Variants in TRPM3 observed in about 807,000 individuals in gnomAD.
TRPM3 encodes long transient receptor potential channel 3.
Under a neutral mutation model 181.2 loss-of-function variants are expected in TRPM3, and 77 were observed. The ratio of observed to expected loss-of-function variants is 0.42; its 90% confidence interval spans 0.35 to 0.51. The LOEUF (loss-of-function observed/expected upper bound fraction) is 0.51, where lower values mean the gene tolerates loss of function less well. Ranked by LOEUF, TRPM3 falls within the 20% of genes least tolerant of loss-of-function variation. The pLI, the probability that TRPM3 is intolerant of heterozygous loss-of-function variation, is 0.01. For missense variants in TRPM3, 1,759 were observed against 2,196.7 expected (o/e 0.80, Z 3.98); for synonymous variants, 745 against 796.4 (o/e 0.94, Z 1.09).
At chr9:71,268,386 T>A (rs908821889) in intron 1 of TRPM3, among the ~76,000 whole-genome samples, 3 of 150,518 alleles carry the variant, frequency 2.0e-5, no homozygotes, top group African/African-American at 7.3e-5. Context: ...TCTCAAAAAA[T>A]AATAATAATA....
chr9:70,866,311 G>A (rs964955288), intron 1 of TRPM3, among the ~76,000 whole-genome samples: 11 of 151,994 alleles, frequency 7.2e-5, no homozygotes, highest in Non-Finnish European at 1.5e-5. Context: ...GCTCTTTTGT[G>A]GGGGAGCATC....
At chr9:70,981,855 G>T (rs1033352497) in intron 1 of TRPM3, among the ~76,000 whole-genome samples, 2 of 152,116 alleles carry the variant, frequency 1.3e-5, no homozygotes, top group African/African-American at 4.8e-5. Context: ...TAGACCCTTA[G>T]GAAATATTAT....
chr9:71,004,106 GGT>G (rs555741828), intron 1 of TRPM3, among the ~76,000 whole-genome samples: 44 of 152,326 alleles, frequency 2.9e-4, no homozygotes, highest in African/African-American at 1.0e-3. Context: ...AAAATGCAGG[GGT>G]GCTGATTGCA....
intron 3 of TRPM3, among the ~76,000 whole-genome samples, chr9:70,862,365 T>C (rs1203794364): frequency 6.6e-6 from 1 of 152,190 alleles, no homozygotes; most frequent in Non-Finnish European, 1.5e-5. Flanking sequence ...TGGAATCTTC[T>C]AATGAGAACA....
intron 1 of TRPM3, among the ~76,000 whole-genome samples, chr9:71,047,820 A>T (rs1399809912): frequency 2.1e-4 from 12 of 57,854 alleles, no homozygotes; most frequent in Admixed American, 1.7e-3. Context: ...TCACACACAC[A>T]CACACACACA....
At chr9:70,921,921 A>ACACACG in intron 1 of TRPM3, among the ~76,000 whole-genome samples, 1 of 130,290 alleles carries the variant, frequency 7.7e-6, no homozygotes, top group Non-Finnish European at 1.6e-5. Flanking sequence ...GCCACTATAC[A>ACACACG]CACACACACA....
At chr9:70,758,739 C>T (rs1042658406) in intron 8 of TRPM3, among the ~76,000 whole-genome samples, 2 of 152,112 alleles carry the variant, frequency 1.3e-5, no homozygotes, top group Non-Finnish European at 2.9e-5. Flanking sequence ...GAAAGGATTC[C>T]CTATTTAATA....
At chr9:71,342,363 T>C (rs139667779) in intron 1 of TRPM3, among the ~76,000 whole-genome samples, 134 of 150,808 alleles carry the variant, frequency 8.9e-4, no homozygotes, top group African/African-American at 3.0e-3. Context: ...TGCAAAAGCA[T>C]TGAAAACTAT....
At chr9:71,426,076 T>C (rs2093857687) in intron 1 of TRPM3, among the ~76,000 whole-genome samples, 1 of 152,192 alleles carries the variant, frequency 6.6e-6, no homozygotes, top group South Asian at 2.1e-4. Context: ...ACTTTTTGTA[T>C]TTCACAATTA....
At chr9:71,420,709 A>AAG (rs2093722760) in intron 1 of TRPM3, among the ~76,000 whole-genome samples, 2 of 15,526 alleles carry the variant, frequency 1.3e-4, no homozygotes, top group Non-Finnish European at 3.0e-4. Context: ...AAGAGAGAGA[A>AAG]AGAAAGAGAG....
intron 5 of TRPM3, among the ~76,000 whole-genome samples, chr9:70,841,592 A>G (rs770220235): frequency 6.9e-6 from 1 of 144,544 alleles, no homozygotes; most frequent in Non-Finnish European, 1.5e-5. Flanking sequence ...GTGTCCATCA[A>G]TGGAGGATTG....
At chr9:70,541,821 C>T (rs1305254318) in intron 25 of TRPM3, among the ~76,000 whole-genome samples, 1 of 152,050 alleles carries the variant, frequency 6.6e-6, no homozygotes, top group East Asian at 2.0e-4. Context: ...TTCCTTTAAT[C>T]TTTAAAAAAA....
Position 71,446,534 on chromosome 9 carries a change from G to T in TRPM3, c.183+119C>A. On this transcript the variant is annotated intron_variant, in intron 1 of 24. Coordinates refer to the TRPM3 transcript ENST00000357533. Reference sequence around the variant, plus strand: ...AGCACTCTATTTCATTAGAAGCGGCGCCACAAGTTCCCTGGCTCTCACCCT... The same window carrying T: ...AGCACTCTATTTCATTAGAAGCGGCTCCACAAGTTCCCTGGCTCTCACCCT... 4 of 1,038,894 alleles carry T rather than the reference G, an allele frequency of 3.9e-6. No homozygotes were observed. The South Asian group carries it at 7.2e-5, about 19-fold the overall frequency. The allele number at this position is 1,038,894 out of a possible 1,614,324, so 64.4% of individuals were successfully genotyped here. A position where few individuals can be genotyped will look rare whatever the true frequency, so the allele number is the denominator to read the frequency against.
chr9:70,614,083 T>C (rs542113859), intron 18 of TRPM3, among the ~76,000 whole-genome samples: 1 of 152,304 alleles, frequency 6.6e-6, no homozygotes, highest in South Asian at 2.1e-4. Context: ...TAACCTATTG[T>C]CTAAAAGTGT....
Position 71,161,400 on chromosome 9 carries a change from T to A in TRPM3, c.183+285253A>T, listed in dbSNP as rs556400774. Among the ~76,000 whole-genome samples the A allele has an allele frequency of 8.3e-4, 126 of 152,248 alleles. 1 individual carries two copies. Among genetic ancestry groups the A allele is most frequent in the African/African-American group, 2.4e-3 (98 of 41,558 alleles). On this transcript the variant is annotated intron_variant, in intron 1 of 24. Transcript: ENST00000357533. ...GCCCTGAACTTGCAGTCAACATTTG[T>A]GAGGGTATGAGTATGTGTATTTTCC...
At chr9:70,699,135 T>G (rs930414293) in intron 8 of TRPM3, among the ~76,000 whole-genome samples, 1 of 152,194 alleles carries the variant, frequency 6.6e-6, no homozygotes, top group Non-Finnish European at 1.5e-5. Context: ...GCCTCTATCA[T>G]TAGCAGCCTA....
chr9:70,663,805 C>T (rs1020545943), intron 9 of TRPM3, among the ~76,000 whole-genome samples: 4 of 152,196 alleles, frequency 2.6e-5, no homozygotes, highest in Admixed American at 2.6e-4. Context: ...CAATTCTGAT[C>T]TGTGTCTGGT....
intron 1 of TRPM3, among the ~76,000 whole-genome samples, chr9:71,159,927 GTGTT>G (rs1165593772): frequency 2.0e-5 from 3 of 152,088 alleles, no homozygotes; most frequent in African/African-American, 7.2e-5. Flanking sequence ...GAACTATTGA[GTGTT>G]TGGAGAAATT....
chr9:70,935,618 T>G (rs922726750), intron 1 of TRPM3, among the ~76,000 whole-genome samples: 5 of 152,160 alleles, frequency 3.3e-5, no homozygotes, highest in African/African-American at 1.2e-4. Context: ...CTTTACTCAC[T>G]GATGTGTGTC....
Sources: gnomAD v4.1 joint callset for allele counts (sites outside exome capture counted in the v4.1 genomes callset) on GRCh38, gnomAD v4.1.1 for gene constraint, MANE v1.5 for transcripts, NCBI Gene and HGNC (gene_info 2026-07-23, HGNC 2026-07-21) for gene names.